Variants in ADGRV1 observed in about 807,000 individuals in gnomAD.
ADGRV1 encodes the protein adhesion G protein-coupled receptor V1, also known as G-protein coupled receptor 98.
A neutral mutation model predicts 596.2 loss-of-function variants in ADGRV1; 359 were observed. That is an observed-to-expected ratio of 0.60 (90% CI 0.55 to 0.66). The LOEUF is 0.66. Ranked by LOEUF, ADGRV1 falls within the 30% of genes least tolerant of loss-of-function variation. The pLI is 0.00. For synonymous variants in ADGRV1, 2,681 were observed against 2,679.2 expected, an observed-to-expected ratio of 1.00 and a Z score of -0.02; for missense variants, 7,274 against 7,575.6, an observed-to-expected ratio of 0.96 and a Z score of 1.48.
chr5:90,933,254 C>T (rs1413730820), intron 83 of ADGRV1, among the ~76,000 whole-genome samples: 1 of 151,830 alleles, frequency 6.6e-6, no homozygotes, highest in Non-Finnish European at 1.5e-5. Flanking sequence ...GGGGTGCACA[C>T]CAGAGTAGGA....
At chr5:90,932,228 T>C (rs1245495239) in intron 83 of ADGRV1, among the ~76,000 whole-genome samples, 4 of 152,142 alleles carry the variant, frequency 2.6e-5, no homozygotes, top group Non-Finnish European at 1.5e-5. Flanking sequence ...TTCCCAAATA[T>C]CCCATTTCAT....
chr5:90,735,536 G>A (rs761487586), intron 50 of ADGRV1, among the ~76,000 whole-genome samples: 8 of 152,134 alleles, frequency 5.3e-5, no homozygotes, highest in South Asian at 4.1e-4. Flanking sequence ...TTTTATTTCT[G>A]TGAAAATAGA....
At chr5:91,041,482 A>C (rs1245709707) in intron 85 of ADGRV1, among the ~76,000 whole-genome samples, 2 of 151,932 alleles carry the variant, frequency 1.3e-5, no homozygotes, top group Non-Finnish European at 2.9e-5. Context: ...ACTGGGGCCC[A>C]TCGAGGGGTG....
chr5:90,860,705 T>C (rs2150437771), intron 82 of ADGRV1, among the ~76,000 whole-genome samples: 1 of 149,358 alleles, frequency 6.7e-6, no homozygotes, highest in Non-Finnish European at 1.5e-5. Flanking sequence ...ACCAATCTAA[T>C]ACATTAGGTG....
intron 83 of ADGRV1, among the ~76,000 whole-genome samples, chr5:90,880,301 A>ATCATACATACATGAATGTATG (rs1769637403): frequency 6.6e-6 from 1 of 152,232 alleles, no homozygotes; most frequent in African/African-American, 2.4e-5. Flanking sequence ...AAATATGTAT[A>ATCATACATACATGAATGTATG]TCATACATAC....
At chr5:90,582,423 T>G (rs1758186535) in intron 1 of ADGRV1, among the ~76,000 whole-genome samples, 1 of 152,200 alleles carries the variant, frequency 6.6e-6, no homozygotes, top group Admixed American at 6.5e-5. Flanking sequence ...CTTGTCAGAT[T>G]GTACCCTTTA....
chr5:90,759,630 C>T (rs1344545494), intron 58 of ADGRV1, 42 bp downstream of exon 58: 6 of 1,549,138 alleles, frequency 3.9e-6, no homozygotes, highest in African/African-American at 1.4e-5. Flanking sequence ...TTCAGGCTAG[C>T]GTTTCATGTA....
intron 29 of ADGRV1, among the ~76,000 whole-genome samples, chr5:90,688,952 A>G (rs1261661398): frequency 2.0e-5 from 3 of 152,204 alleles, no homozygotes; most frequent in Non-Finnish European, 4.4e-5. Flanking sequence ...TATTTTATAT[A>G]TAAGAAAATG....
At chr5:90,865,774 G>C (rs535977988) in intron 83 of ADGRV1, among the ~76,000 whole-genome samples, 4 of 152,092 alleles carry the variant, frequency 2.6e-5, no homozygotes, top group Non-Finnish European at 4.4e-5. Context: ...TTTAGCTAAG[G>C]CTTTAAAAAA....
chr5:91,027,766 C>T (rs1242187078), intron 85 of ADGRV1, among the ~76,000 whole-genome samples: 1 of 152,102 alleles, frequency 6.6e-6, no homozygotes, highest in African/African-American at 2.4e-5. Flanking sequence ...AAGTAAACAG[C>T]GGCCAAAGAT....
chr5:90,722,151 A>G (rs1333549978), intron 45 of ADGRV1, among the ~76,000 whole-genome samples: 1 of 152,114 alleles, frequency 6.6e-6, no homozygotes, highest in Admixed American at 6.5e-5. Flanking sequence ...ATGGGTTGAT[A>G]CAGAAGAGAA....
chr5:91,066,686 C>T (rs1481780195), intron 85 of ADGRV1, among the ~76,000 whole-genome samples: 1 of 152,194 alleles, frequency 6.6e-6, no homozygotes, highest in African/African-American at 2.4e-5. Context: ...CCATGGGTTA[C>T]CCTGATATCC....
intron 79 of ADGRV1, among the ~76,000 whole-genome samples, 190 bp downstream of exon 79, chr5:90,849,011 A>T (rs752267312): frequency 6.6e-6 from 1 of 152,226 alleles, no homozygotes; most frequent in Non-Finnish European, 1.5e-5. Flanking sequence ...AAATAAATGT[A>T]TACTGTCAAC....
intron 83 of ADGRV1, among the ~76,000 whole-genome samples, chr5:90,903,781 T>TA (rs1021166245): frequency 1.2e-3 from 185 of 152,084 alleles, no homozygotes; most frequent in African/African-American, 3.8e-3. Flanking sequence ...TGCAATTATA[T>TA]TTTTTTAGTT....
chr5:90,838,261 T>G (rs1186531244), intron 77 of ADGRV1, among the ~76,000 whole-genome samples: 1 of 152,184 alleles, frequency 6.6e-6, no homozygotes, highest in East Asian at 1.9e-4. Flanking sequence ...TTTTTCATTT[T>G]TTGACACAAT....
At chr5:90,601,281 G>C (rs530899046) in intron 1 of ADGRV1, among the ~76,000 whole-genome samples, 7 of 150,892 alleles carry the variant, frequency 4.6e-5, no homozygotes, top group Non-Finnish European at 1.0e-4. Context: ...TTGTAAATAA[G>C]CCTTGTGTTA....
At chr5:90,803,540 G>A (rs891790589) in intron 71 of ADGRV1, among the ~76,000 whole-genome samples, 1 of 152,138 alleles carries the variant, frequency 6.6e-6, no homozygotes, top group Non-Finnish European at 1.5e-5. Context: ...ACTCGGGCAA[G>A]CCTGGCTCAA....
At chr5:90,834,520 C>T (rs1347498043) in intron 77 of ADGRV1, among the ~76,000 whole-genome samples, 2 of 152,108 alleles carry the variant, frequency 1.3e-5, no homozygotes, top group African/African-American at 4.8e-5. Flanking sequence ...ATGGGAGCTC[C>T]ACTCTATGTT....
rs746309914 is a variant in ADGRV1, at chr5:90,642,868, G to A, written c.2380G>A (p.Val794Ile). Reference protein sequence around the residue: ...GPYVIKEGESVELHIIRSRGS... With the variant: ...GPYVIKEGESIELHIIRSRGS... ...TTTGTTTTTAAAGGAAGGAGAATCT[G>A]TAGAGCTCCACATCATCCGATCAAG... The change falls in exon 13 of 90, where the codon GTA becomes ATA. Residue 794 changes from valine to isoleucine, a missense_variant. By Grantham distance (29) the Val-to-Ile change is conservative. Around this residue, in one of 5 missense-constraint regions of ADGRV1, gnomAD observed 1,715 missense variants for 1,708.8 expected, o/e 1.00. Transcript: ENST00000405460. The A allele has an allele frequency of 7.5e-6, 12 of 1,603,856 alleles. No homozygotes were observed. Among genetic ancestry groups the A allele is most frequent in the South Asian group, 1.1e-5 (1 of 89,100 alleles).
Sources: gnomAD v4.1 joint callset for allele counts (sites outside exome capture counted in the v4.1 genomes callset) on GRCh38, gnomAD v4.1.1 for gene constraint, gnomAD v4.1.1 regional missense constraint, MANE v1.5 for transcripts, NCBI Gene and HGNC (gene_info 2026-07-23, HGNC 2026-07-21) for gene names.